TRAK1: variants seen among roughly 807,000 people sequenced by gnomAD.
TRAK1 encodes the protein trafficking kinesin-binding protein 1.
In TRAK1, 33 loss-of-function variants were observed where a neutral mutation model predicts 92.1. The ratio of observed to expected loss-of-function variants is 0.36; its 90% CI spans 0.27 to 0.48. The LOEUF is 0.48. TRAK1 is among the 20% of genes least tolerant of loss of function. TRAK1 has a pLI of 0.99. For synonymous variants in TRAK1, 521 were observed against 517.3 expected, an observed-to-expected ratio of 1.01 and a Z score of -0.10; for missense variants, 1,123 against 1,257.9, an observed-to-expected ratio of 0.89 and a Z score of 1.62.
upstream of TRAK1, among the ~76,000 whole-genome samples, chr3:42,090,494 T>C (rs1447512329): frequency 6.6e-6 from 1 of 152,190 alleles, no homozygotes; most frequent in African/African-American, 2.4e-5. Flanking sequence ...AAGACCAGCC[T>C]GGCCAACATG....
At position 42,223,096 on chromosome 3, in the gene TRAK1, G is replaced by T; in HGVS notation, c.2221G>T (p.Val741Leu). 12 of 1,614,022 alleles carry T rather than the reference G, an allele frequency of 7.4e-6. No individual in the cohort carries two copies. The highest frequency in any genetic ancestry group is 1.0e-5 in the Non-Finnish European group (12 of 1,180,006). Residue 741 changes from valine to leucine, a missense_variant, in exon 16 of 16, where the codon GTG (valine) becomes TTG (leucine). By Grantham distance (32) the Val-to-Leu change is conservative. Transcript: ENST00000327628. The surrounding 1 kb of genome is among the most constrained non-coding windows in gnomAD (Gnocchi z 6.1). ...TTTMSTSLGL[V>L]WLLKERGISA... ...CACCATGAGCACATCCCTGGGGCTCGTGTGGCTGTTGAAGGAGCGGGGCAT... is the reference window on the plus strand; with the variant it reads ...CACCATGAGCACATCCCTGGGGCTCTTGTGGCTGTTGAAGGAGCGGGGCAT...
chr3:42,064,914 A>T (rs1703611704), intron 1 of TRAK1, among the ~76,000 whole-genome samples: 1 of 152,104 alleles, frequency 6.6e-6, no homozygotes, highest in African/African-American at 2.4e-5. Flanking sequence ...TTAGCCAGGC[A>T]TGGTAGCAGG....
intron 1 of TRAK1, among the ~76,000 whole-genome samples, chr3:42,034,372 GC>G (rs1294020096): frequency 6.6e-6 from 1 of 152,144 alleles, no homozygotes; most frequent in African/African-American, 2.4e-5. Context: ...GCTCACTGCA[GC>G]CTCGACCTCC....
chr3:42,220,710 T>C, intron 15 of TRAK1: 1 of 666,336 alleles, frequency 1.5e-6, no homozygotes, highest in Non-Finnish European at 1.9e-6. Context: ...TGGTTGTGCC[T>C]GGCTAACTCG....
intron 1 of TRAK1, among the ~76,000 whole-genome samples, chr3:42,069,312 C>A (rs1703810931): frequency 7.2e-6 from 1 of 138,310 alleles, no homozygotes. Context: ...CACAGCAAGA[C>A]CCTGTCTCAA....
chr3:42,013,156 A>G (rs2148870054), upstream of TRAK1, among the ~76,000 whole-genome samples: 1 of 152,082 alleles, frequency 6.6e-6, no homozygotes, highest in Non-Finnish European at 1.5e-5. The surrounding 1 kb of genome is among the most constrained non-coding windows in gnomAD (Gnocchi z 5.1). Context: ...ATCTTAGTCC[A>G]ACAGCCAGTT....
At chr3:42,218,410 G>T in intron 14 of TRAK1, 1 of 956,536 alleles carries the variant, frequency 1.0e-6, no homozygotes, top group Non-Finnish European at 1.2e-6. Context: ...CTCCCAGGAG[G>T]TCTCTGGGGG....
intron 1 of TRAK1, among the ~76,000 whole-genome samples, chr3:42,113,411 C>T (rs111890914): frequency 8.4e-5 from 8 of 95,546 alleles, no homozygotes; most frequent in African/African-American, 3.0e-4. Context: ...TACCCCTACC[C>T]CTACCCCTAC....
At chr3:42,216,929 T>C (rs1709762314) in intron 14 of TRAK1, among the ~76,000 whole-genome samples, 1 of 152,150 alleles carries the variant, frequency 6.6e-6, no homozygotes, top group Non-Finnish European at 1.5e-5. Flanking sequence ...AGCTCCCAAA[T>C]GAGCAGCATG....
chr3:42,078,752 CAAAAAAA>C (rs748321736), intron 1 of TRAK1, among the ~76,000 whole-genome samples: 2 of 49,650 alleles, frequency 4.0e-5, no homozygotes, highest in South Asian at 7.7e-4. Context: ...GATTCCATCT[CAAAAAAA>C]AAAAAAAAAA....
chr3:42,152,326 A>G (rs966549387), intron 2 of TRAK1, among the ~76,000 whole-genome samples: 1 of 152,208 alleles, frequency 6.6e-6, no homozygotes, highest in East Asian at 1.9e-4. Context: ...TGAAATAGCC[A>G]GCGATCAATG....
At chr3:42,094,930 C>T (rs1010493977) in intron 1 of TRAK1, among the ~76,000 whole-genome samples, 9 of 152,090 alleles carry the variant, frequency 5.9e-5, no homozygotes, top group African/African-American at 2.2e-4. Flanking sequence ...TCCTGAAGAC[C>T]CTGGGGGTGG....
chr3:42,093,557 T>C (rs1157226691), intron 1 of TRAK1, among the ~76,000 whole-genome samples: 1 of 151,700 alleles, frequency 6.6e-6, no homozygotes, highest in African/African-American at 2.4e-5. Flanking sequence ...ATTTTTATCT[T>C]CTCCTAACTG....
chr3:42,123,926 T>A, intron 1 of TRAK1, among the ~76,000 whole-genome samples: 1 of 152,190 alleles, frequency 6.6e-6, no homozygotes, highest in East Asian at 1.9e-4. Flanking sequence ...GAGGATTGCG[T>A]GAGCCCAGGA....
chr3:42,124,247 T>G (rs1710277272), intron 1 of TRAK1, among the ~76,000 whole-genome samples: 1 of 152,198 alleles, frequency 6.6e-6, no homozygotes, highest in Non-Finnish European at 1.5e-5. Flanking sequence ...TCCTCTCCTG[T>G]CTAGTTGTGT....
chr3:42,014,161 C>G (rs1265909400), intron 1 of TRAK1: 1 of 152,306 alleles, frequency 6.6e-6, no homozygotes, highest in Non-Finnish European at 1.5e-5. Context: ...CGCCTCGGGC[C>G]CAGGGGCTGG....
At chr3:42,146,761 G>T (rs2149244220) in intron 2 of TRAK1, among the ~76,000 whole-genome samples, 1 of 152,228 alleles carries the variant, frequency 6.6e-6, no homozygotes, top group East Asian at 1.9e-4. Context: ...TGGCCATGTT[G>T]TCCAGGTTGT....
chr3:42,055,734 A>G (rs1293863290), intron 1 of TRAK1, among the ~76,000 whole-genome samples: 2 of 152,190 alleles, frequency 1.3e-5, no homozygotes, highest in Non-Finnish European at 2.9e-5. Flanking sequence ...AAGTGCTGAG[A>G]TTATAGATGT....
At chr3:42,191,943 C>T (rs1184305962) in intron 7 of TRAK1, among the ~76,000 whole-genome samples, 1 of 117,148 alleles carries the variant, frequency 8.5e-6, no homozygotes, top group African/African-American at 3.3e-5. Context: ...CTCTGTCACC[C>T]AGGCTAGAGT....
Sources: gnomAD v4.1 joint callset for allele counts (sites outside exome capture counted in the v4.1 genomes callset) on GRCh38, gnomAD v4.1.1 for gene constraint, Gnocchi (gnomAD v3.1) non-coding constraint, MANE v1.5 for transcripts, NCBI Gene and HGNC (gene_info 2026-07-23, HGNC 2026-07-21) for gene names.